The following SLC25A21 variants were observed in gnomAD, a reference collection of about 807,000 sequenced individuals.
SLC25A21 encodes the protein solute carrier family 25 member 21.
Under a neutral mutation model 43.8 loss-of-function variants are expected in SLC25A21, and 47 were observed. The ratio of observed to expected loss-of-function variants is 1.07; its 90% CI spans 0.85 to 1.37. The LOEUF (loss-of-function observed/expected upper bound fraction) is 1.37. Ranked by LOEUF, SLC25A21 falls within the 40% of genes most tolerant of loss-of-function variation. The pLI, the probability that SLC25A21 is intolerant of heterozygous loss-of-function variation, is 0.00. For missense variants in SLC25A21, 352 were observed against 350.2 expected (o/e 1.00, Z -0.04); for synonymous variants, 131 against 121.3 (o/e 1.08, Z -0.52).
At chr14:37,129,159 T>G (rs940272953) in intron 1 of SLC25A21, among the ~76,000 whole-genome samples, 5 of 152,150 alleles carry the variant, frequency 3.3e-5, no homozygotes, top group African/African-American at 1.2e-4. Context: ...ATACGAGAAC[T>G]ATCACTTCCG....
At chr14:36,842,843 T>C (rs575877477) in intron 2 of SLC25A21, among the ~76,000 whole-genome samples, 2 of 152,250 alleles carry the variant, frequency 1.3e-5, no homozygotes, top group African/African-American at 2.4e-5. Context: ...GATGTGTCTA[T>C]GGCAGCGGTC....
At chr14:36,752,339 G>A (rs1408438683) in intron 3 of SLC25A21, among the ~76,000 whole-genome samples, 1 of 152,170 alleles carries the variant, frequency 6.6e-6, no homozygotes, top group Non-Finnish European at 1.5e-5. Context: ...ACAGCGTGGA[G>A]GATCTTCAAG....
intron 1 of SLC25A21, among the ~76,000 whole-genome samples, chr14:37,089,904 C>T (rs938789615): frequency 6.6e-6 from 1 of 152,140 alleles, no homozygotes; most frequent in South Asian, 2.1e-4. Context: ...TGGACCCGTG[C>T]TAAATTCATT....
Position 36,994,605 on chromosome 14 carries a change from G to A in SLC25A21, c.71-119601C>T, listed in dbSNP as rs142376641. The stretch of plus-strand genomic sequence containing the variant: ...TCAGTTTACCATAGGCAGAGTGGGA[G>A]CCTAGGGTTATTAGGTGAACCCATC... On this transcript the variant is annotated intron_variant, in intron 1 of 9. Transcript: ENST00000331299. Among the ~76,000 whole-genome samples the A allele has an allele frequency of 3.6e-4, 55 of 152,268 alleles. No individual in the cohort carries two copies. The East Asian group carries it at 9.7e-3, about 27-fold the overall frequency.
intron 7 of SLC25A21, among the ~76,000 whole-genome samples, chr14:36,687,545 G>T (rs979232708): frequency 2.0e-5 from 3 of 152,172 alleles, no homozygotes; most frequent in Non-Finnish European, 4.4e-5. Context: ...GGGAGGAAAA[G>T]AATTTGCTTG....
chr14:36,970,592 C>A (rs1305051765), intron 1 of SLC25A21, among the ~76,000 whole-genome samples: 2 of 152,188 alleles, frequency 1.3e-5, no homozygotes, highest in Non-Finnish European at 2.9e-5. Flanking sequence ...ACCTCTCTAT[C>A]CCCATGGGCT....
At chr14:36,716,552 C>CA (rs1884144215) in intron 6 of SLC25A21, among the ~76,000 whole-genome samples, 1 of 152,034 alleles carries the variant, frequency 6.6e-6, no homozygotes, top group African/African-American at 2.4e-5. Flanking sequence ...TTTTAAAATA[C>CA]AAAAAATGTT....
intron 1 of SLC25A21, among the ~76,000 whole-genome samples, chr14:36,993,244 T>C (rs1960302333): frequency 6.6e-6 from 1 of 152,154 alleles, no homozygotes; most frequent in Non-Finnish European, 1.5e-5. Context: ...TTCAGACTTG[T>C]GGTTATGCTA....
At chr14:37,079,105 A>G (rs751298960) in intron 1 of SLC25A21, among the ~76,000 whole-genome samples, 1 of 152,212 alleles carries the variant, frequency 6.6e-6, no homozygotes, top group African/African-American at 2.4e-5. Flanking sequence ...TCAGTGCTCC[A>G]CTGAGGGCCC....
chr14:37,125,299 A>G (rs370149701), intron 1 of SLC25A21, among the ~76,000 whole-genome samples: 115 of 152,332 alleles, frequency 7.5e-4, no homozygotes, highest in African/African-American at 2.5e-3. Flanking sequence ...TATAGAATGG[A>G]GTGATACTTC....
At chr14:36,815,000 T>A (rs1396957698) in intron 2 of SLC25A21, among the ~76,000 whole-genome samples, 1 of 152,140 alleles carries the variant, frequency 6.6e-6, no homozygotes, top group Admixed American at 6.5e-5. Context: ...TAAAAAAGAA[T>A]GAGTTCACGT....
intron 2 of SLC25A21, among the ~76,000 whole-genome samples, chr14:36,830,792 T>G (rs1734722811): frequency 6.6e-6 from 1 of 152,124 alleles, no homozygotes; most frequent in South Asian, 2.1e-4. Context: ...TTTCATGGCT[T>G]GGGATAGAGA....
intron 1 of SLC25A21, among the ~76,000 whole-genome samples, chr14:36,976,127 T>A (rs142381910): frequency 1.3e-5 from 2 of 152,200 alleles, no homozygotes; most frequent in African/African-American, 4.8e-5. Flanking sequence ...AGAGGCCACT[T>A]GAAAAATAAT....
intron 2 of SLC25A21, among the ~76,000 whole-genome samples, chr14:36,849,798 C>G (rs1168648982): frequency 6.6e-6 from 1 of 152,174 alleles, no homozygotes; most frequent in Admixed American, 6.5e-5. Flanking sequence ...TTCATTAGAA[C>G]CTCTCATCTT....
intron 2 of SLC25A21, 21 bp downstream of exon 2, chr14:36,874,935 C>G (rs1221732281): frequency 6.2e-7 from 1 of 1,603,368 alleles, no homozygotes; most frequent in Admixed American, 1.7e-5. Context: ...GTCAATAAAA[C>G]TTGTTCATGC....
intron 1 of SLC25A21, among the ~76,000 whole-genome samples, chr14:36,979,282 T>C (rs890640065): frequency 1.3e-5 from 2 of 151,394 alleles, no homozygotes; most frequent in Non-Finnish European, 2.9e-5. Flanking sequence ...AAAATTAATA[T>C]GGAAGACTGT....
chr14:36,975,362 T>C (rs1283804871), intron 1 of SLC25A21, among the ~76,000 whole-genome samples: 2 of 152,140 alleles, frequency 1.3e-5, no homozygotes, highest in African/African-American at 4.8e-5. Flanking sequence ...TGTACCCCAA[T>C]AACTTATGGA....
intron 1 of SLC25A21, among the ~76,000 whole-genome samples, chr14:37,000,415 A>G (rs1207058590): frequency 6.6e-6 from 1 of 152,058 alleles, no homozygotes; most frequent in Non-Finnish European, 1.5e-5. Flanking sequence ...AAACCCTCCA[A>G]TGGCTTTCCA....
At chr14:37,047,317 A>G (rs1423400986) in intron 1 of SLC25A21, among the ~76,000 whole-genome samples, 1 of 152,232 alleles carries the variant, frequency 6.6e-6, no homozygotes, top group East Asian at 1.9e-4. Flanking sequence ...CAGCATGTCT[A>G]AGACATGTTT....
Sources: allele counts gnomAD v4.1 joint callset (sites outside exome capture counted in the v4.1 genomes callset), GRCh38; gene constraint gnomAD v4.1.1; transcripts MANE v1.5; gene names NCBI Gene and HGNC (gene_info 2026-07-23, HGNC 2026-07-21).